Variants in GUCY1A2 observed in about 807,000 individuals in gnomAD.
GUCY1A2 encodes the protein guanylate cyclase 1 soluble subunit alpha 2.
Under a neutral mutation model 63.5 loss-of-function variants are expected in GUCY1A2, and 27 were observed. That is an observed-to-expected ratio of 0.43 (90% confidence interval 0.31 to 0.59). The LOEUF is 0.59. Among genes scored for constraint, GUCY1A2 ranks in the 20% least tolerant of loss-of-function variants. GUCY1A2 has a pLI of 0.11. For missense variants in GUCY1A2, 768 were observed against 913.3 expected (o/e 0.84, Z 2.05); for synonymous variants, 364 against 343.5 (o/e 1.06, Z -0.66).
Position 106,940,102 on chromosome 11 carries a change from G to A in GUCY1A2, c.564C>T (p.Val188=). The change falls in exon 4 of 8, where the codon GTC becomes GTT. Residue 188 remains valine (V), a synonymous_variant. Transcript: ENST00000526355. ...FNICFHENER[V]LRAVGGTLQD... ...GCAAAGTGCCACCTACAGCTCGAAG[G>A]ACTCTCTCATTCTCATGAAAGCATA... 2 of 1,612,946 alleles carry A rather than the reference G, an allele frequency of 1.2e-6. No homozygotes were observed. Among genetic ancestry groups the A allele is most frequent in the Non-Finnish European group, 1.7e-6 (2 of 1,178,952 alleles).
chr11:106,842,834 G>A (rs1859219081), intron 4 of GUCY1A2, among the ~76,000 whole-genome samples: 1 of 151,892 alleles, frequency 6.6e-6, no homozygotes, highest in Non-Finnish European at 1.5e-5. Flanking sequence ...CTGAGATTCT[G>A]TATCCCTAAC....
Position 106,743,061 on chromosome 11 carries a change from T to C in GUCY1A2, c.1836+33378A>G, listed in dbSNP as rs563004721. ...AAGCTATAATCCTAAGAGTAGTCTT[T>C]TATTCCTTCATGTACTTCATCTAAT... On this transcript the variant is annotated intron_variant, in intron 6 of 7. Coordinates refer to ENST00000526355, the MANE Select transcript of GUCY1A2 (RefSeq NM_000855.3). 2.0e-5 allele frequency among the ~76,000 whole-genome samples: 3 copies of C among 152,294 alleles called. No individual in the cohort carries two copies. In the South Asian group the frequency reaches 6.2e-4, roughly 32 times the overall value.
intron 3 of GUCY1A2, among the ~76,000 whole-genome samples, chr11:106,962,441 C>A (rs1861070146): frequency 6.6e-6 from 1 of 151,358 alleles, no homozygotes; most frequent in Admixed American, 6.6e-5. Flanking sequence ...TGTAGTCCCA[C>A]CTACTTGGGA....
At chr11:106,713,848 C>G (rs1458650024) in intron 6 of GUCY1A2, among the ~76,000 whole-genome samples, 1 of 151,896 alleles carries the variant, frequency 6.6e-6, no homozygotes, top group Non-Finnish European at 1.5e-5. Context: ...TTTCAGAAGG[C>G]CAATTTATAT....
At position 106,912,044 on chromosome 11, in the gene GUCY1A2, C is replaced by T. The variant is rs79601862; in HGVS notation, c.1206+27416G>A. ...CCAAAACTGCAGGAAATCTGTACTCCATTGCCACATTCCTCCAACAAACTA... is the reference window on the plus strand; with the variant it reads ...CCAAAACTGCAGGAAATCTGTACTCTATTGCCACATTCCTCCAACAAACTA... On this transcript the variant is annotated intron_variant, in intron 4 of 7. Coordinates refer to ENST00000526355, the MANE Select transcript of GUCY1A2 (RefSeq NM_000855.3). 4.5e-3 allele frequency among the ~76,000 whole-genome samples: 691 copies of T among 151,990 alleles called. 4 individuals are homozygous for T. Among genetic ancestry groups the T allele is most frequent in the African/African-American group, 0.015 (636 of 41,510 alleles).
chr11:106,889,767 C>A (rs1859949714), intron 4 of GUCY1A2, among the ~76,000 whole-genome samples: 1 of 152,050 alleles, frequency 6.6e-6, no homozygotes, highest in Non-Finnish European at 1.5e-5. Context: ...TACATACCTG[C>A]CAAAAAGGTG....
At chr11:106,755,767 T>G (rs1157678488) in intron 6 of GUCY1A2, among the ~76,000 whole-genome samples, 1 of 152,094 alleles carries the variant, frequency 6.6e-6, no homozygotes, top group Non-Finnish European at 1.5e-5. Flanking sequence ...TTACTTCCAG[T>G]TATGTGGTCA....
intron 4 of GUCY1A2, among the ~76,000 whole-genome samples, chr11:106,907,397 CTTT>C (rs1025570043): frequency 6.7e-6 from 1 of 148,372 alleles, no homozygotes; most frequent in African/African-American, 2.5e-5. Context: ...CACAGCAATT[CTTT>C]TTTTTAATTT....
intron 7 of GUCY1A2, among the ~76,000 whole-genome samples, chr11:106,704,125 C>A (rs1396532033): frequency 1.3e-5 from 2 of 152,140 alleles, no homozygotes; most frequent in Admixed American, 1.3e-4. Context: ...CAAACCCATT[C>A]TTTCTCTCAA....
At chr11:106,969,734 G>A (rs1861170795) in intron 3 of GUCY1A2, among the ~76,000 whole-genome samples, 1 of 152,142 alleles carries the variant, frequency 6.6e-6, no homozygotes, top group African/African-American at 2.4e-5. Context: ...CTAACTCAGA[G>A]AAAAAGCAAT....
At chr11:106,753,953 A>C (rs952771816) in intron 6 of GUCY1A2, among the ~76,000 whole-genome samples, 1 of 152,148 alleles carries the variant, frequency 6.6e-6, no homozygotes, top group Admixed American at 6.5e-5. Flanking sequence ...GGCAGTATGG[A>C]CATTTTCACG....
At chr11:106,701,431 A>T (rs952670532) in intron 7 of GUCY1A2, among the ~76,000 whole-genome samples, 6 of 152,202 alleles carry the variant, frequency 3.9e-5, no homozygotes, top group Non-Finnish European at 7.4e-5. Flanking sequence ...ACCTGAGGGC[A>T]TTATATCTAC....
At chr11:106,980,876 ACC>A (rs10539377) in intron 2 of GUCY1A2, among the ~76,000 whole-genome samples, 137,749 of 152,160 alleles carry the variant, frequency 0.91, 62,486 homozygotes, top group East Asian at 1. Flanking sequence ...AACACAGGCA[ACC>A]CCACAGGGTT....
chr11:106,790,197 C>G (rs1864632655), intron 5 of GUCY1A2, among the ~76,000 whole-genome samples: 1 of 151,936 alleles, frequency 6.6e-6, no homozygotes, highest in South Asian at 2.1e-4. Flanking sequence ...TTGAGCTGGC[C>G]CTGAAACCAT....
intron 4 of GUCY1A2, among the ~76,000 whole-genome samples, chr11:106,822,107 A>C (rs1858911216): frequency 6.6e-6 from 1 of 152,192 alleles, no homozygotes; most frequent in Admixed American, 6.5e-5. Context: ...AGAAAATTTG[A>C]GTACAAAAGG....
At chr11:106,872,330 T>A (rs531397540) in intron 4 of GUCY1A2, among the ~76,000 whole-genome samples, 1 of 152,202 alleles carries the variant, frequency 6.6e-6, no homozygotes, top group South Asian at 2.1e-4. Context: ...AATACTAATA[T>A]TATCATAAGT....
Position 106,758,526 on chromosome 11 carries a change from C to A in GUCY1A2, c.1836+17913G>T, listed in dbSNP as rs191258856. Among the ~76,000 whole-genome samples, 761 of 152,290 alleles carry A rather than the reference C, an allele frequency of 5.0e-3. 6 individuals carry two copies. Among genetic ancestry groups the A allele is most frequent in the African/African-American group, 0.018 (730 of 41,564 alleles). On this transcript the variant is annotated intron_variant, in intron 6 of 7. Transcript: ENST00000526355. ...GCTGCACCCACTGTCCAACCAGTCT[C>A]AATGAGATGAACCAGGTACCTCAGT...
At chr11:106,786,002 A>AT (rs1864549785) in intron 5 of GUCY1A2, among the ~76,000 whole-genome samples, 1 of 152,018 alleles carries the variant, frequency 6.6e-6, no homozygotes, top group Admixed American at 6.6e-5. Flanking sequence ...ACTTTTCCAG[A>AT]TATTTCCTTG....
In GUCY1A2 at chr11:106,684,855, A is replaced by G. The variant is rs1378336920; in HGVS notation, c.*2694T>C. 1.4e-5 allele frequency: 3 copies of G among 208,152 alleles called. No homozygotes were observed. Among genetic ancestry groups the G allele is most frequent in the Non-Finnish European group, 2.9e-5 (3 of 102,014 alleles). The allele number at this position is 208,152 out of a possible 1,614,324, so 12.9% of individuals were successfully genotyped here. ...TAAGTGAGAATACTGTATAGATAAA[A>G]GTCATATGAAATAACAAATGCCACC... is the stretch of plus-strand genomic sequence containing the variant. On this transcript the variant is annotated 3_prime_UTR_variant, in exon 8 of 8. Transcript: ENST00000526355.
Sources: allele counts gnomAD v4.1 joint callset (sites outside exome capture counted in the v4.1 genomes callset), GRCh38; gene constraint gnomAD v4.1.1; transcripts MANE v1.5; gene names NCBI Gene and HGNC (gene_info 2026-07-23, HGNC 2026-07-21).